CTBP2: variants seen among roughly 807,000 people sequenced by gnomAD.
The protein encoded by CTBP2 is C-terminal binding protein 2.
A neutral mutation model predicts 80.3 loss-of-function variants in CTBP2; 30 were observed. The observed-to-expected ratio is 0.37, with a 90% confidence interval of 0.28 to 0.51. The LOEUF (loss-of-function observed/expected upper bound fraction) is 0.51, where lower values mean the gene tolerates loss of function less well. CTBP2 is among the 20% of genes least tolerant of loss of function. The pLI is 0.93. For synonymous variants in CTBP2, 594 were observed against 587.4 expected (o/e 1.01, Z -0.16); for missense variants, 1,212 against 1,375.3 (o/e 0.88, Z 1.88).
At chr10:125,120,509 CCTGAGTAG>C (rs1854135635) in intron 1 of CTBP2, among the ~76,000 whole-genome samples, 1 of 152,198 alleles carries the variant, frequency 6.6e-6, no homozygotes, top group Non-Finnish European at 1.5e-5. Flanking sequence ...GCCTCAGCCT[CCTGAGTAG>C]CTGGGATTAT....
At chr10:125,156,080 C>T (rs1860865761) in intron 1 of CTBP2, among the ~76,000 whole-genome samples, 1 of 152,188 alleles carries the variant, frequency 6.6e-6, no homozygotes, top group Non-Finnish European at 1.5e-5. Context: ...GGGACAGACA[C>T]ACTGCCCTCC....
rs192690258 is a variant in CTBP2 at position 125,045,343 on chromosome 10, G to A, written c.-101-6188C>T. On this transcript the variant is annotated intron_variant, in intron 2 of 10. Transcript: ENST00000337195. ...TACAGCAGCCCGAACTAAGACAATGGCCAAAAGTGAATATTGCTTCCTGAT... is the reference window on the plus strand; with the variant it reads ...TACAGCAGCCCGAACTAAGACAATGACCAAAAGTGAATATTGCTTCCTGAT... Among the ~76,000 whole-genome samples the A allele has an allele frequency of 2.0e-5, 3 of 152,236 alleles. No individual in the cohort carries two copies. The East Asian group carries it at 5.8e-4, about 29-fold the overall frequency.
chr10:125,154,641 A>AGTGTC (rs972908666), intron 1 of CTBP2, among the ~76,000 whole-genome samples: 1 of 87,704 alleles, frequency 1.1e-5, no homozygotes, highest in South Asian at 3.4e-4. Flanking sequence ...GTTCTCACCG[A>AGTGTC]GTGTCGTTGC....
intron 2 of CTBP2, chr10:125,100,621 T>G (rs1337554792): frequency 6.6e-6 from 1 of 152,224 alleles, no homozygotes. Context: ...TTTATTTGTA[T>G]GTTTAGAAAG....
chr10:125,141,821 C>A (rs998292463), intron 1 of CTBP2, among the ~76,000 whole-genome samples: 2 of 152,198 alleles, frequency 1.3e-5, no homozygotes, highest in African/African-American at 4.8e-5. Context: ...AGTGAGCACG[C>A]GGCAAACACA....
intron 1 of CTBP2, among the ~76,000 whole-genome samples, chr10:125,127,834 T>C (rs1047449028): frequency 2.6e-5 from 4 of 152,210 alleles, no homozygotes; most frequent in Non-Finnish European, 5.9e-5. Flanking sequence ...TTACAGCAAC[T>C]GTCGTGAAAT....
intron 2 of CTBP2, among the ~76,000 whole-genome samples, chr10:125,057,582 A>G (rs894329405): frequency 1.4e-4 from 22 of 152,198 alleles, no homozygotes; most frequent in African/African-American, 5.3e-4. Flanking sequence ...AGGCCACAGA[A>G]TCTCCAGCTT....
chr10:125,030,123 C>T (rs1455966329), upstream of CTBP2, among the ~76,000 whole-genome samples: 3 of 140,654 alleles, frequency 2.1e-5, no homozygotes, highest in Non-Finnish European at 4.6e-5. Flanking sequence ...CTCACTTTTC[C>T]AAACACTCTG....
At chr10:125,100,703 A>C (rs1325187948) in intron 2 of CTBP2, 1 of 152,210 alleles carries the variant, frequency 6.6e-6, no homozygotes, top group Non-Finnish European at 1.5e-5. Flanking sequence ...ATAAAACTAA[A>C]ATTAATAGAT....
At chr10:125,051,161 G>A (rs61870341) in intron 2 of CTBP2, among the ~76,000 whole-genome samples, 7,705 of 152,186 alleles carry the variant, frequency 0.051, 239 homozygotes, top group African/African-American at 0.077. Flanking sequence ...AAAAAGGTCC[G>A]AGGACTCAGG....
At chr10:125,127,179 C>T (rs1170790651) in intron 1 of CTBP2, among the ~76,000 whole-genome samples, 1 of 152,214 alleles carries the variant, frequency 6.6e-6, no homozygotes, top group Non-Finnish European at 1.5e-5. Flanking sequence ...TTACCACCTG[C>T]CTTCTAGATA....
chr10:124,996,806 G>C (rs937835098), intron 4 of CTBP2: 1 of 152,162 alleles, frequency 6.6e-6, no homozygotes, highest in Non-Finnish European at 1.5e-5. Flanking sequence ...AGTGGGGCCC[G>C]GACAGAGGGA....
chr10:125,011,138 G>A (rs1955846945), intron 1 of CTBP2, among the ~76,000 whole-genome samples: 1 of 152,200 alleles, frequency 6.6e-6, no homozygotes, highest in Admixed American at 6.5e-5. Flanking sequence ...GCTGTTTGGG[G>A]TGCCCCACAC....
chr10:125,041,595 G>C (rs1275257954), intron 2 of CTBP2, among the ~76,000 whole-genome samples: 1 of 147,442 alleles, frequency 6.8e-6, no homozygotes, highest in Non-Finnish European at 1.5e-5. Context: ...CGCAAGCTCT[G>C]ATGGTCAAAC....
Position 125,027,104 on chromosome 10 carries a change from A to G in CTBP2, c.656T>C (p.Ile219Thr), listed in dbSNP as rs1957696607. 1 of 1,609,780 alleles carries G rather than the reference A, an allele frequency of 6.2e-7. No individual in the cohort carries two copies. The highest frequency in any genetic ancestry group is 1.1e-5 in the South Asian group (1 of 90,870). Residue 219 changes from isoleucine (I) to threonine (T), a missense_variant, in exon 1 of 9, where the codon ATT becomes ACT. By Grantham distance (89) the Ile-to-Thr change is moderately conservative (BLOSUM62 -1). This residue lies in a region of CTBP2 where 848 missense variants were observed against 782.3 expected (regional missense o/e 1.08). Transcript: ENST00000309035. ...CACCTGTCTGGCAGGGGCAGGGTCA[A>G]TGGGTCTTTCGCTGATGTCGCTGAA...
chr10:125,061,774 G>C (rs61870344), intron 2 of CTBP2, among the ~76,000 whole-genome samples: 1 of 151,914 alleles, frequency 6.6e-6, no homozygotes, highest in Admixed American at 6.5e-5. Flanking sequence ...ACCTCCTCAC[G>C]GTCACTGCAA....
chr10:125,060,417 A>T (rs987940179), intron 2 of CTBP2, among the ~76,000 whole-genome samples: 77 of 151,750 alleles, frequency 5.1e-4, no homozygotes, highest in African/African-American at 1.8e-3. Context: ...TTTAAACAGA[A>T]ATGCATTTTT....
At chr10:125,098,724 CAG>C (rs1564914318) in intron 2 of CTBP2, among the ~76,000 whole-genome samples, 62 of 75,676 alleles carry the variant, frequency 8.2e-4, no homozygotes, top group Admixed American at 2.3e-3. Context: ...GAGAGAGAGA[CAG>C]AGAGAGAGAG....
intron 3 of CTBP2, among the ~76,000 whole-genome samples, chr10:125,034,138 C>A (rs1367772439): frequency 1.3e-5 from 2 of 152,188 alleles, no homozygotes; most frequent in Non-Finnish European, 2.9e-5. Context: ...TATGTTTGTG[C>A]TTGAGAAATG....
Sources: gnomAD v4.1 joint callset for allele counts (sites outside exome capture counted in the v4.1 genomes callset) on GRCh38, gnomAD v4.1.1 for gene constraint, gnomAD v4.1.1 regional missense constraint, MANE v1.5 for transcripts, NCBI Gene and HGNC (gene_info 2026-07-23, HGNC 2026-07-21) for gene names.